ADRA1A: variants seen among roughly 807,000 people sequenced by gnomAD.
ADRA1A encodes alpha-1A adrenergic receptor.
In ADRA1A, 31 loss-of-function variants were observed where a neutral mutation model predicts 29.6. That is an observed-to-expected ratio of 1.05 (90% CI 0.79 to 1.41). The LOEUF (loss-of-function observed/expected upper bound fraction) is 1.41, where lower values mean the gene tolerates loss of function less well. Among genes scored for constraint, ADRA1A ranks in the 40% most tolerant of loss-of-function variants. The probability of loss-of-function intolerance (pLI) is 0.00; values close to 1 mark genes in which losing one functional copy is unlikely to be tolerated. For missense variants in ADRA1A, 619 were observed against 601.1 expected, an observed-to-expected ratio of 1.03 and a Z score of -0.31; for synonymous variants, 311 against 254.3, an observed-to-expected ratio of 1.22 and a Z score of -2.12.
At chr8:26,839,872 C>T (rs1811691458) in intron 2 of ADRA1A, among the ~76,000 whole-genome samples, 1 of 152,146 alleles carries the variant, frequency 6.6e-6, no homozygotes, top group Non-Finnish European at 1.5e-5. Flanking sequence ...CTCTCGGAGG[C>T]AGGCTAACTC....
chr8:26,813,998 C>T lies in ADRA1A; in HGVS notation c.884-43332G>A, dbSNP rs145538683. On this transcript the variant is annotated intron_variant, in intron 2 of 2. Transcript: ENST00000380573. ...TCAGGCCAAGCTTTGTAACTTGGGG[C>T]CCACAGATGTGGTTTGTTTAGCTAG... 2.8e-3 allele frequency among the ~76,000 whole-genome samples: 424 copies of T among 152,162 alleles called. 8 individuals carry two copies. Among genetic ancestry groups the T allele is most frequent in the Admixed American group, 0.024 (361 of 15,290 alleles).
chr8:26,771,306 C>T (rs1806125076), intron 2 of ADRA1A, among the ~76,000 whole-genome samples: 1 of 152,230 alleles, frequency 6.6e-6, no homozygotes, highest in Admixed American at 6.5e-5. Context: ...TGTGTCTTTG[C>T]TTCACATTCG....
chr8:26,865,387 T>C lies in ADRA1A; in HGVS notation c.-418A>G, dbSNP rs1418338786. 2.0e-6 allele frequency: 2 copies of C among 1,013,948 alleles called. No individual in the cohort carries two copies. The highest frequency in any genetic ancestry group is 3.5e-5 in the African/African-American group (2 of 57,784). 62.8% of individuals were successfully genotyped at this position (1,013,948 alleles called of 1,614,324 possible). ...CTGGCTGGGGGAAGATTCAGCATTC[T>C]GCACATGATTCGGAATTCAAAACTC... On this transcript the variant is annotated 5_prime_UTR_variant, in exon 2 of 3. Transcript: ENST00000380573. This position sits in a 1 kb window ranked among gnomAD's most constrained non-coding sequence, Gnocchi z 7.6.
At chr8:26,768,435 TTTAC>T (rs1805908827), downstream of ADRA1A, among the ~76,000 whole-genome samples, 1 of 152,222 alleles carries the variant, frequency 6.6e-6, no homozygotes, top group South Asian at 2.1e-4. Flanking sequence ...TATTTTAATT[TTTAC>T]TTATAGTTAC....
chr8:26,837,286 G>A (rs919288108), intron 2 of ADRA1A, among the ~76,000 whole-genome samples: 2 of 152,074 alleles, frequency 1.3e-5, no homozygotes, highest in Non-Finnish European at 2.9e-5. Flanking sequence ...GCGGTGCAGA[G>A]TCTATATGAA....
intron 2 of ADRA1A, among the ~76,000 whole-genome samples, chr8:26,749,474 G>A (rs1030999564): frequency 1.3e-5 from 2 of 152,208 alleles, no homozygotes; most frequent in African/African-American, 4.8e-5. Flanking sequence ...GTTCACTAAT[G>A]TGGTCAAAGA....
chr8:26,826,506 A>AT (rs1810581599), intron 2 of ADRA1A, among the ~76,000 whole-genome samples: 2 of 152,288 alleles, frequency 1.3e-5, no homozygotes, highest in Admixed American at 6.5e-5. Flanking sequence ...ATATAAATAT[A>AT]TTTTTTTGGC....
At chr8:26,750,805 C>G (rs1450606593) in intron 2 of ADRA1A, among the ~76,000 whole-genome samples, 1 of 152,214 alleles carries the variant, frequency 6.6e-6, no homozygotes, top group East Asian at 1.9e-4. Context: ...TGCAGTGGCT[C>G]ACGCCTATAG....
chr8:26,837,789 A>G (rs1420878461), intron 2 of ADRA1A, among the ~76,000 whole-genome samples: 1 of 150,924 alleles, frequency 6.6e-6, no homozygotes, highest in Non-Finnish European at 1.5e-5. Flanking sequence ...ATTCTGACAC[A>G]CACCTGAGTG....
intron 2 of ADRA1A, chr8:26,859,243 G>A (rs1813268440): frequency 8.3e-7 from 1 of 1,209,512 alleles, no homozygotes; most frequent in Non-Finnish European, 1.1e-6. Context: ...TTATTCTTCT[G>A]CTCACATTTT....
intron 2 of ADRA1A, chr8:26,757,216 T>C (rs1268113103): frequency 2.9e-6 from 2 of 695,902 alleles, no homozygotes; most frequent in Admixed American, 2.0e-5. Context: ...AAAACAAGTT[T>C]GAGATTCTGA....
At chr8:26,797,811 T>C (rs1808285405) in intron 2 of ADRA1A, among the ~76,000 whole-genome samples, 1 of 151,992 alleles carries the variant, frequency 6.6e-6, no homozygotes, top group East Asian at 1.9e-4. Context: ...TCAAGAGGAA[T>C]TGCAAAGGAA....
At position 26,825,141 on chromosome 8, in the gene ADRA1A, GC is replaced by G. The variant is rs1249394611; in HGVS notation, c.883+38945del. 6.6e-6 allele frequency among the ~76,000 whole-genome samples: 1 copy of G among 152,092 alleles called. No homozygotes were observed. Among genetic ancestry groups the G allele is most frequent in the Non-Finnish European group, 1.5e-5 (1 of 68,014 alleles). On this transcript the variant is annotated intron_variant, in intron 2 of 2. Coordinates refer to ENST00000380573, the MANE Select transcript of ADRA1A (RefSeq NM_000680.4). This position sits in a 1 kb window ranked among gnomAD's most constrained non-coding sequence, Gnocchi z 5.7. ...CCTGCATGCTCCAGAGAGACCCCCA[GC>G]CCCCACATGTCCCACCCTGAGCTTG...
chr8:26,795,870 A>G (rs1219668042), intron 2 of ADRA1A, among the ~76,000 whole-genome samples: 1 of 152,144 alleles, frequency 6.6e-6, no homozygotes, highest in Non-Finnish European at 1.5e-5. Context: ...AATTCCAAGA[A>G]AAAGAAAGCG....
intron 2 of ADRA1A, among the ~76,000 whole-genome samples, chr8:26,819,027 A>G (rs1433809719): frequency 2.0e-4 from 31 of 152,198 alleles, no homozygotes; most frequent in Non-Finnish European, 4.4e-5. Context: ...AAAGATGATT[A>G]CACAGAGACA....
chr8:26,840,016 TG>T (rs1811701653), intron 2 of ADRA1A, among the ~76,000 whole-genome samples: 1 of 152,264 alleles, frequency 6.6e-6, no homozygotes, highest in African/African-American at 2.4e-5. Context: ...TCTGGAATTC[TG>T]GGTGAATCAC....
chr8:26,751,234 A>G (rs529252124), intron 2 of ADRA1A, among the ~76,000 whole-genome samples: 53 of 152,328 alleles, frequency 3.5e-4, no homozygotes, highest in African/African-American at 1.2e-3. Flanking sequence ...TTAGTTTACC[A>G]TGTGCAGATG....
intron 2 of ADRA1A, among the ~76,000 whole-genome samples, chr8:26,811,917 T>A (rs1231359710): frequency 6.6e-6 from 1 of 152,248 alleles, no homozygotes; most frequent in Admixed American, 6.5e-5. Flanking sequence ...GCTTTGTTCC[T>A]TTTTATTTAT....
chr8:26,827,971 G>GC (rs1162994051), intron 2 of ADRA1A, among the ~76,000 whole-genome samples: 1 of 151,978 alleles, frequency 6.6e-6, no homozygotes, highest in African/African-American at 2.4e-5. Flanking sequence ...ATGGCTCACT[G>GC]CCCCCTCAAC....
Sources: allele counts gnomAD v4.1 joint callset (sites outside exome capture counted in the v4.1 genomes callset), GRCh38; gene constraint gnomAD v4.1.1; non-coding constraint Gnocchi (gnomAD v3.1); transcripts MANE v1.5; gene names NCBI Gene and HGNC (gene_info 2026-07-23, HGNC 2026-07-21).